ERBB4: variants seen among roughly 807,000 people sequenced by gnomAD.
ERBB4 encodes erb-b2 receptor tyrosine kinase 4.
Under a neutral mutation model 158.0 loss-of-function variants are expected in ERBB4, and 42 were observed. The ratio of observed to expected loss-of-function variants is 0.27; its 90% CI spans 0.21 to 0.34. The LOEUF (loss-of-function observed/expected upper bound fraction) is 0.34. Ranked by LOEUF, ERBB4 falls within the 10% of genes least tolerant of loss-of-function variation. The pLI is 1.00. For missense variants in ERBB4, 1,333 were observed against 1,624.1 expected (o/e 0.82, Z 3.08); for synonymous variants, 583 against 558.7 (o/e 1.04, Z -0.61).
intron 2 of ERBB4, among the ~76,000 whole-genome samples, chr2:211,970,477 G>A (rs2081420730): frequency 6.6e-6 from 1 of 152,136 alleles, no homozygotes; most frequent in Admixed American, 6.5e-5. Context: ...TCAGTGAGGT[G>A]TTAAAGTCTC....
At chr2:211,945,713 T>A (rs945648093) in intron 3 of ERBB4, among the ~76,000 whole-genome samples, 2 of 152,088 alleles carry the variant, frequency 1.3e-5, no homozygotes, top group Non-Finnish European at 2.9e-5. Flanking sequence ...GGCATAATTT[T>A]GATTGATTAA....
intron 5 of ERBB4, among the ~76,000 whole-genome samples, chr2:211,735,328 T>G (rs1419567142): frequency 6.6e-6 from 1 of 152,160 alleles, no homozygotes; most frequent in Non-Finnish European, 1.5e-5. Context: ...TTATCCTAGG[T>G]CAAATCATAA....
At chr2:212,206,592 T>TTTTTTTTTTC (rs2082758645) in intron 1 of ERBB4, among the ~76,000 whole-genome samples, 1 of 52,570 alleles carries the variant, frequency 1.9e-5, no homozygotes. Context: ...TTCTGTTCTT[T>TTTTTTTTTTC]TTTTTTTTTT....
intron 2 of ERBB4, among the ~76,000 whole-genome samples, chr2:212,106,452 C>A (rs2079229224): frequency 2.0e-5 from 3 of 152,188 alleles, no homozygotes; most frequent in Admixed American, 2.0e-4. Flanking sequence ...AGCAGCAAAG[C>A]ATTCAACAGG....
chr2:212,486,668 T>G (rs1287340243), intron 1 of ERBB4, among the ~76,000 whole-genome samples: 1 of 152,116 alleles, frequency 6.6e-6, no homozygotes, highest in African/African-American at 2.4e-5. Flanking sequence ...ATAAAAAACG[T>G]GTAGTATTCT....
intron 5 of ERBB4, among the ~76,000 whole-genome samples, chr2:211,738,130 A>T (rs956361960): frequency 4.6e-5 from 7 of 152,074 alleles, no homozygotes. Flanking sequence ...ACCTATTTAT[A>T]ATCTACCAAG....
intron 1 of ERBB4, among the ~76,000 whole-genome samples, chr2:212,267,449 G>A (rs1359056270): frequency 1.3e-5 from 2 of 151,706 alleles, no homozygotes; most frequent in African/African-American, 4.8e-5. Flanking sequence ...ATAGGTCTAG[G>A]TTAACAGTTT....
chr2:211,448,693 A>G (rs2064171718), intron 20 of ERBB4, among the ~76,000 whole-genome samples: 1 of 152,160 alleles, frequency 6.6e-6, no homozygotes, highest in Admixed American at 6.5e-5. Context: ...AACCCCATCA[A>G]TTTACACTTT....
chr2:212,037,429 T>A (rs186828139), intron 2 of ERBB4, among the ~76,000 whole-genome samples: 12 of 152,310 alleles, frequency 7.9e-5, no homozygotes, highest in Admixed American at 7.8e-4. Context: ...GAAAAGGTAA[T>A]GACAGCATCT....
chr2:211,591,169 G>A (rs1393589405), intron 19 of ERBB4, among the ~76,000 whole-genome samples: 2 of 152,182 alleles, frequency 1.3e-5, no homozygotes, highest in South Asian at 2.1e-4. Context: ...GCTAATTGGA[G>A]CATCATTATT....
chr2:212,058,639 C>A (rs192484105), intron 2 of ERBB4, among the ~76,000 whole-genome samples: 1 of 152,084 alleles, frequency 6.6e-6, no homozygotes. Context: ...GTTCAACATA[C>A]GCAAATCAAT....
intron 12 of ERBB4, among the ~76,000 whole-genome samples, chr2:211,679,843 A>T (rs188463842): frequency 6.6e-6 from 1 of 151,498 alleles, no homozygotes; most frequent in African/African-American, 2.4e-5. Context: ...CCACGCCCAG[A>T]TAATTTTTGT....
At chr2:211,853,241 CTTT>C (rs59304374) in intron 3 of ERBB4, among the ~76,000 whole-genome samples, 1 of 151,384 alleles carries the variant, frequency 6.6e-6, no homozygotes, top group Non-Finnish European at 1.5e-5. Flanking sequence ...AGATCTTGCT[CTTT>C]TTTTTTCTTC....
chr2:211,701,913 G>A (rs1021077172), intron 12 of ERBB4, 54 bp downstream of exon 12: 20 of 1,343,870 alleles, frequency 1.5e-5, no homozygotes, highest in Non-Finnish European at 1.9e-5. Context: ...GTCCAAAGAA[G>A]AATGGGAAAA....
intron 19 of ERBB4, among the ~76,000 whole-genome samples, chr2:211,605,221 T>C (rs1418167455): frequency 6.6e-6 from 1 of 152,112 alleles, no homozygotes; most frequent in East Asian, 1.9e-4. Context: ...AATTTATTGA[T>C]TAGAAATGGG....
chr2:212,095,854 A>G (rs10932422), intron 2 of ERBB4, among the ~76,000 whole-genome samples: 102,194 of 149,258 alleles, frequency 0.68, 39,063 homozygotes, highest in East Asian at 1. Flanking sequence ...AGAATGGCGT[A>G]AACCTGGGAG....
At chr2:211,824,807 C>T (rs2077061828) in intron 3 of ERBB4, among the ~76,000 whole-genome samples, 1 of 151,870 alleles carries the variant, frequency 6.6e-6, no homozygotes, top group South Asian at 2.1e-4. Flanking sequence ...TCAATGTTCT[C>T]TGAAAAAAAT....
intron 20 of ERBB4, among the ~76,000 whole-genome samples, chr2:211,534,666 G>A (rs573990915): frequency 3.7e-4 from 56 of 151,988 alleles, no homozygotes; most frequent in Non-Finnish European, 5.9e-4. Flanking sequence ...TTAAATTTTC[G>A]GTTAAATCAT....
chr2:212,356,197 G>C (rs1162291694), intron 1 of ERBB4, among the ~76,000 whole-genome samples: 2 of 151,868 alleles, frequency 1.3e-5, no homozygotes, highest in African/African-American at 2.4e-5. Flanking sequence ...GCTTTTTGTA[G>C]ACTGCTTCAG....
Sources: gnomAD v4.1 joint callset for allele counts (sites outside exome capture counted in the v4.1 genomes callset) on GRCh38, gnomAD v4.1.1 for gene constraint, MANE v1.5 for transcripts, NCBI Gene and HGNC (gene_info 2026-07-23, HGNC 2026-07-21) for gene names.